METTL23: variants seen among roughly 807,000 people sequenced by gnomAD.
METTL23 encodes methyltransferase 23, arginine.
A neutral mutation model predicts 21.2 loss-of-function variants in METTL23; 24 were observed. The observed-to-expected ratio is 1.13, with a 90% CI of 0.82 to 1.59. METTL23 has a LOEUF of 1.59. METTL23 is among the 40% of genes most tolerant of loss of function. The pLI, the probability that METTL23 is intolerant of heterozygous loss-of-function variation, is 0.00. For missense variants in METTL23, 276 were observed against 221.4 expected (o/e 1.25, Z -1.57); for synonymous variants, 97 against 75.2 (o/e 1.29, Z -1.50).
chr17:76,730,983 T>C (rs1030997334), intron 2 of METTL23, among the ~76,000 whole-genome samples: 2 of 152,188 alleles, frequency 1.3e-5, no homozygotes, highest in Non-Finnish European at 2.9e-5. Flanking sequence ...CGGGCGCCTG[T>C]AGTCCCAGCT....
chr17:76,732,732 G>A (rs191138664), intron 2 of METTL23: 12 of 541,520 alleles, frequency 2.2e-5, no homozygotes, highest in East Asian at 9.5e-5. Context: ...TGCCAGTTAC[G>A]ATACATGGCC....
At chr17:76,726,517 G>A (rs1437927426), upstream of METTL23, 2 of 1,566,344 alleles carry the variant, frequency 1.3e-6, no homozygotes, top group Non-Finnish European at 1.7e-6. Context: ...CCTCGGCGCA[G>A]CCCGCTTCCT....
intron 1 of METTL23, among the ~76,000 whole-genome samples, chr17:76,728,992 G>A (rs1488969528): frequency 1.3e-5 from 2 of 150,956 alleles, no homozygotes; most frequent in East Asian, 3.9e-4. Flanking sequence ...GTAGAGACGG[G>A]GTTTCACCGC....
At position 76,727,198 on chromosome 17, in the gene METTL23, C is replaced by A. The variant is rs1421554612; in HGVS notation, c.-22+20C>A. The A allele has an allele frequency of 2.6e-6, 1 of 384,126 alleles. No individual in the cohort carries two copies. 23.8% of individuals were successfully genotyped at this position (384,126 alleles called of 1,614,324 possible). On this transcript the variant is annotated intron_variant, in intron 1 of 4. Transcript: ENST00000341249. ...CCGCAGGTGCGTGCAGCAGCACCCGCCAGGAGGCGCCTGAGGTCAGGAGCG... is the reference window on the plus strand; with the variant it reads ...CCGCAGGTGCGTGCAGCAGCACCCGACAGGAGGCGCCTGAGGTCAGGAGCG...
chr17:76,729,905 AT>A, intron 2 of METTL23, 111 bp downstream of exon 2: 1 of 785,116 alleles, frequency 1.3e-6, no homozygotes, highest in Non-Finnish European at 2.1e-6. Flanking sequence ...AAATCGGGTA[AT>A]TTAGCTAGTT....
chr17:76,731,644 A>C (rs1189196239), intron 2 of METTL23, among the ~76,000 whole-genome samples: 1 of 152,224 alleles, frequency 6.6e-6, no homozygotes, highest in Non-Finnish European at 1.5e-5. Context: ...CTGGCCTCAG[A>C]CTGGTGAAGG....
chr17:76,726,201 C>G, upstream of METTL23: 1 of 1,156,152 alleles, frequency 8.6e-7, no homozygotes, highest in African/African-American at 1.6e-5. Context: ...ATCCGCGCCT[C>G]GGGGACCCCA....
intron 2 of METTL23, 134 bp from the exon 3 acceptor site, chr17:76,732,844 A>G: frequency 1.4e-6 from 1 of 724,908 alleles, no homozygotes; most frequent in Non-Finnish European, 2.3e-6. Context: ...GTTACGGTAC[A>G]TTTTATACAA....
intron 4 of METTL23, 24 bp downstream of exon 4, chr17:76,733,401 T>C: frequency 6.2e-7 from 1 of 1,609,812 alleles, no homozygotes; most frequent in Non-Finnish European, 8.5e-7. Context: ...ACCCTTACTT[T>C]TTATATGTAA....
upstream of METTL23, chr17:76,726,481 G>C: frequency 1.3e-6 from 2 of 1,589,716 alleles, no homozygotes; most frequent in Non-Finnish European, 1.7e-6. Context: ...TTCATTCTGC[G>C]GGGTCGCCAG....
At chr17:76,731,976 A>G (rs1479203436) in intron 2 of METTL23, among the ~76,000 whole-genome samples, 2 of 152,254 alleles carry the variant, frequency 1.3e-5, no homozygotes, top group East Asian at 1.9e-4. Flanking sequence ...TTGAAGGCCC[A>G]ACTGGAAAAT....
chr17:76,733,259 T>C (rs1274934554), intron 3 of METTL23, 34 bp from the exon 4 acceptor site: 3 of 1,613,036 alleles, frequency 1.9e-6, no homozygotes, highest in Non-Finnish European at 8.5e-7. Flanking sequence ...AGTGATGCTA[T>C]ATGAAAATCT....
At chr17:76,729,910 G>T (rs1175748872) in intron 2 of METTL23, 116 bp downstream of exon 2, 1 of 760,314 alleles carries the variant, frequency 1.3e-6, no homozygotes, top group Non-Finnish European at 2.2e-6. Context: ...GGGTAATTTA[G>T]CTAGTTTGTA....
chr17:76,733,588 T>G lies in METTL23; in HGVS notation c.475T>G (p.Ser159Ala). 1 of 1,613,856 alleles carries G rather than the reference T, an allele frequency of 6.2e-7. No homozygotes were observed. Among genetic ancestry groups the G allele is most frequent in the Non-Finnish European group, 8.5e-7 (1 of 1,179,832 alleles). ...GAAATGTGTCCACATTCCTCTTGAGTCTTTTGATGCAGACAAAGAAGATAT... is the reference window on the plus strand; with the variant it reads ...GAAATGTGTCCACATTCCTCTTGAGGCTTTTGATGCAGACAAAGAAGATAT... ...DMKCVHIPLESFDADKEDIAE... is the reference protein window; with the variant it reads ...DMKCVHIPLEAFDADKEDIAE... The change falls in exon 5 of 5, where the codon TCT (serine) becomes GCT (alanine). Residue 159 changes from serine to alanine, a missense_variant. Transcript: ENST00000341249.
At chr17:76,731,995 G>C (rs1300520290) in intron 2 of METTL23, among the ~76,000 whole-genome samples, 1 of 152,198 alleles carries the variant, frequency 6.6e-6, no homozygotes, top group African/African-American at 2.4e-5. Flanking sequence ...ATCTTTACTA[G>C]AAAGCCATGT....
At position 76,726,855 on chromosome 17, in the gene METTL23, G is replaced by A. The variant is rs956508505; in HGVS notation, c.-345G>A. On this transcript the variant is annotated 5_prime_UTR_variant, in exon 1 of 5. Transcript: ENST00000341249. ...GTGCCCATCACTTCCGGTCGCGCCAGCCGCCCGTTGCCAGTTCTGCGCGTG... is the reference window on the plus strand; with the variant it reads ...GTGCCCATCACTTCCGGTCGCGCCAACCGCCCGTTGCCAGTTCTGCGCGTG... 1.2e-5 allele frequency: 5 copies of A among 422,104 alleles called. No homozygotes were observed. The highest frequency in any genetic ancestry group is 7.8e-5 in the East Asian group (1 of 12,820). The allele number at this position is 422,104 out of a possible 1,614,324, so 26.1% of individuals were successfully genotyped here.
intron 1 of METTL23, among the ~76,000 whole-genome samples, chr17:76,728,792 CTTT>C (rs10690835): frequency 3.4e-5 from 4 of 118,804 alleles, no homozygotes; most frequent in African/African-American, 3.3e-5. Context: ...AGCCTCTTTC[CTTT>C]TTTTTTTTTT....
chr17:76,729,214 G>T (rs1288701520), intron 1 of METTL23, among the ~76,000 whole-genome samples: 1 of 151,928 alleles, frequency 6.6e-6, no homozygotes, highest in Non-Finnish European at 1.5e-5. Context: ...CCTCAGCTGG[G>T]ATTACAGGCA....
At chr17:76,729,410 C>T (rs141077000) in intron 1 of METTL23, among the ~76,000 whole-genome samples, 10 of 152,224 alleles carry the variant, frequency 6.6e-5, no homozygotes, top group African/African-American at 1.4e-4. Context: ...TTTGCTTGCT[C>T]GTTGCCTCTC....
Sources: allele counts gnomAD v4.1 joint callset (sites outside exome capture counted in the v4.1 genomes callset), GRCh38; gene constraint gnomAD v4.1.1; transcripts MANE v1.5; gene names NCBI Gene and HGNC (gene_info 2026-07-23, HGNC 2026-07-21).